Variants in TMED8 observed in about 807,000 individuals in gnomAD.
TMED8 encodes the protein transmembrane p24 trafficking protein family member 8.
Under a neutral mutation model 32.7 loss-of-function variants are expected in TMED8, and 15 were observed. The observed-to-expected ratio is 0.46, with a 90% CI of 0.31 to 0.71. The LOEUF (loss-of-function observed/expected upper bound fraction) is 0.71, where lower values mean the gene tolerates loss of function less well. Among genes scored for constraint, TMED8 ranks in the 30% least tolerant of loss-of-function variants. The probability of loss-of-function intolerance (pLI) is 0.06; values close to 1 mark genes in which losing one functional copy is unlikely to be tolerated. For synonymous variants in TMED8, 147 were observed against 161.4 expected, an observed-to-expected ratio of 0.91 and a Z score of 0.68; for missense variants, 390 against 423.9, an observed-to-expected ratio of 0.92 and a Z score of 0.70.
chr14:77,353,210 G>A (rs1390231621), intron 1 of TMED8, among the ~76,000 whole-genome samples: 4 of 152,176 alleles, frequency 2.6e-5, no homozygotes, highest in African/African-American at 9.7e-5. Flanking sequence ...ATGGTTTAGT[G>A]CATTTAGACA....
chr14:77,372,575 A>G (rs902803488), intron 1 of TMED8, among the ~76,000 whole-genome samples: 10 of 152,164 alleles, frequency 6.6e-5, no homozygotes, highest in African/African-American at 2.4e-4. Context: ...TCTAGTGACC[A>G]TGTGATCCAA....
chr14:77,352,725 C>T (rs144859204), intron 1 of TMED8, among the ~76,000 whole-genome samples: 18 of 152,048 alleles, frequency 1.2e-4, no homozygotes, highest in Non-Finnish European at 2.4e-4. Context: ...GGCGACAGAG[C>T]GAGACTCCAA....
intron 1 of TMED8, among the ~76,000 whole-genome samples, chr14:77,364,857 C>T (rs993098086): frequency 3.3e-5 from 5 of 152,154 alleles, no homozygotes; most frequent in Non-Finnish European, 5.9e-5. Context: ...AACCATTTCC[C>T]CACATTCTCA....
intron 1 of TMED8, among the ~76,000 whole-genome samples, chr14:77,359,083 A>C (rs1449033246): frequency 6.6e-6 from 1 of 151,898 alleles, no homozygotes; most frequent in Non-Finnish European, 1.5e-5. Flanking sequence ...AATTTTTTAA[A>C]TTTTCTGTAG....
rs1189150110 is a variant in TMED8 at position 77,336,280 on chromosome 14, ACTTTTCATCATAT to A, written c.*5478_*5490del. ...CATGCATCTCTAGATTTCTAGGGCAACTTTTCATCATATCTTTGAAGAGTCATGACATTAACTC... is the reference window on the plus strand; with the variant it reads ...CATGCATCTCTAGATTTCTAGGGCAACTTTGAAGAGTCATGACATTAACTC... On this transcript the variant is annotated 3_prime_UTR_variant, in exon 6 of 6. Coordinates refer to ENST00000216468, the MANE Select transcript of TMED8 (RefSeq NM_213601.3). 6.6e-6 allele frequency: 1 copy of A among 152,114 alleles called. No homozygotes were observed. The highest frequency in any genetic ancestry group is 1.5e-5 in the Non-Finnish European group (1 of 68,024). 9.4% of individuals were successfully genotyped at this position (152,114 alleles called of 1,614,324 possible). A position where few individuals can be genotyped will look rare whatever the true frequency, so the allele number is the denominator to read the frequency against.
At chr14:77,373,796 C>A (rs1893751943) in intron 1 of TMED8, among the ~76,000 whole-genome samples, 1 of 152,024 alleles carries the variant, frequency 6.6e-6, no homozygotes, top group Admixed American at 6.6e-5. Flanking sequence ...GGAGATGAAT[C>A]CCTCATGAAT....
rs1892736893 is a variant in TMED8, at chr14:77,335,363, T to A, written c.*6408A>T. The A allele has an allele frequency of 6.6e-6, 1 of 152,214 alleles. No individual in the cohort carries two copies. The highest frequency in any genetic ancestry group is 2.4e-5 in the African/African-American group (1 of 41,462). 9.4% of individuals were successfully genotyped at this position (152,214 alleles called of 1,614,324 possible). Reference sequence around the variant, plus strand: ...CATAATAAATGATTAGTTGGGATACTTTTGTATTTTAAAGAAAAAAGATAA... The same window carrying A: ...CATAATAAATGATTAGTTGGGATACATTTGTATTTTAAAGAAAAAAGATAA... On this transcript the variant is annotated 3_prime_UTR_variant, in exon 6 of 6. Coordinates refer to ENST00000216468, the MANE Select transcript of TMED8 (RefSeq NM_213601.3).
chr14:77,348,598 T>G (rs1460341354), intron 2 of TMED8, among the ~76,000 whole-genome samples: 1 of 152,182 alleles, frequency 6.6e-6, no homozygotes, highest in Non-Finnish European at 1.5e-5. Flanking sequence ...CTTAATAATT[T>G]TTAAGAGTAT....
At chr14:77,349,464 G>A (rs967467000) in intron 2 of TMED8, among the ~76,000 whole-genome samples, 3 of 151,984 alleles carry the variant, frequency 2.0e-5, no homozygotes, top group South Asian at 4.2e-4. Flanking sequence ...TCCTCACTCT[G>A]CCCTGGTCCC....
At chr14:77,352,910 G>A (rs1469478118) in intron 1 of TMED8, among the ~76,000 whole-genome samples, 1 of 151,672 alleles carries the variant, frequency 6.6e-6, no homozygotes, top group East Asian at 1.9e-4. Flanking sequence ...CCAAGGTCAG[G>A]TAAAGGACTT....
Position 77,341,347 on chromosome 14 carries a change from C to A in TMED8, c.*424G>T. On this transcript the variant is annotated 3_prime_UTR_variant, in exon 6 of 6. Transcript: ENST00000216468. ...CTTCATGGGCAATGTGCTTTTCCCT[C>A]TTCTGGCACCTCAACAACTGAAGAG... The A allele has an allele frequency of 5.2e-6, 1 of 193,752 alleles. No individual in the cohort carries two copies. The allele number at this position is 193,752 out of a possible 1,614,324, so 12.0% of individuals were successfully genotyped here. A position where few individuals can be genotyped will look rare whatever the true frequency, so the allele number is the denominator to read the frequency against.
intron 1 of TMED8, among the ~76,000 whole-genome samples, chr14:77,372,927 TATATATATATATATATATATA>T (rs1566696303): frequency 2.6e-3 from 83 of 31,454 alleles, no homozygotes; most frequent in Non-Finnish European, 3.6e-3. Flanking sequence ...TATATATATA[TATATATATATATATATATATA>T]TATATTTTTT....
At chr14:77,370,768 T>C (rs1450544719) in intron 1 of TMED8, among the ~76,000 whole-genome samples, 1 of 151,594 alleles carries the variant, frequency 6.6e-6, no homozygotes, top group Non-Finnish European at 1.5e-5. Context: ...TGTGTGTGTA[T>C]ACTTTTTCAC....
intron 1 of TMED8, among the ~76,000 whole-genome samples, chr14:77,372,941 TATATATATA>T (rs1566696553): frequency 2.1e-3 from 67 of 32,158 alleles, no homozygotes; most frequent in Non-Finnish European, 2.5e-3. Context: ...TATATATATA[TATATATATA>T]TATTTTTTTT....
rs1304946296 is a variant in TMED8, at chr14:77,335,904, G to T, written c.*5867C>A. 1 of 152,178 alleles carries T rather than the reference G, an allele frequency of 6.6e-6. No individual in the cohort carries two copies. The highest frequency in any genetic ancestry group is 1.5e-5 in the Non-Finnish European group (1 of 68,032). The allele number at this position is 152,178 out of a possible 1,614,324, so 9.4% of individuals were successfully genotyped here. On this transcript the variant is annotated 3_prime_UTR_variant, in exon 6 of 6. Coordinates refer to ENST00000216468, the MANE Select transcript of TMED8 (RefSeq NM_213601.3). ...TTCATATGGAATTTCTTAGTAAAAT[G>T]TACTGTTTAGGATATGAGAGACGGA... is the stretch of plus-strand genomic sequence containing the variant.
chr14:77,355,074 G>A (rs1893261780), intron 1 of TMED8, among the ~76,000 whole-genome samples: 1 of 151,724 alleles, frequency 6.6e-6, no homozygotes, highest in Admixed American at 6.6e-5. Context: ...ACAGCATCTG[G>A]CCAACTGTTA....
At chr14:77,347,102 C>A (rs1893066061) in intron 2 of TMED8, among the ~76,000 whole-genome samples, 1 of 152,106 alleles carries the variant, frequency 6.6e-6, no homozygotes, top group Non-Finnish European at 1.5e-5. Flanking sequence ...CACCTATTAA[C>A]CACCATCCTG....
rs143808748 is a variant in TMED8 at position 77,341,340 on chromosome 14, T to G, written c.*431A>C. 1.0e-5 allele frequency: 2 copies of G among 191,762 alleles called. No homozygotes were observed. The highest frequency in any genetic ancestry group is 2.2e-5 in the Non-Finnish European group (2 of 91,398). The allele number at this position is 191,762 out of a possible 1,614,324, so 11.9% of individuals were successfully genotyped here. ...GGGGCTCCTTCATGGGCAATGTGCT[T>G]TTCCCTCTTCTGGCACCTCAACAAC... On this transcript the variant is annotated 3_prime_UTR_variant, in exon 6 of 6. Coordinates refer to ENST00000216468, the MANE Select transcript of TMED8 (RefSeq NM_213601.3).
chr14:77,360,201 G>A (rs72681275), intron 1 of TMED8, among the ~76,000 whole-genome samples: 2,719 of 152,174 alleles, frequency 0.018, 46 homozygotes, highest in Middle Eastern at 0.075. Context: ...TGTGGCAAAA[G>A]CACCTAAAAT....
Sources: gnomAD v4.1 joint callset for allele counts (sites outside exome capture counted in the v4.1 genomes callset) on GRCh38, gnomAD v4.1.1 for gene constraint, MANE v1.5 for transcripts, NCBI Gene and HGNC (gene_info 2026-07-23, HGNC 2026-07-21) for gene names.